Variants in OR2M5 observed in about 807,000 individuals in gnomAD.
OR2M5 encodes olfactory receptor family 2 subfamily M member 5.
For missense variants in OR2M5, 413 were observed against 389.3 expected (o/e 1.06, Z -0.51); for synonymous variants, 164 against 139.6 (o/e 1.18, Z -1.23).
Position 248,146,015 on chromosome 1 carries a change from T to C in OR2M5, c.868T>C (p.Tyr290His). The C allele has an allele frequency of 6.2e-7, 1 of 1,613,908 alleles. No individual in the cohort carries two copies. The change falls in exon 1 of 1, where the codon TAC becomes CAC. Residue 290 changes from tyrosine to histidine, a missense_variant. Coordinates refer to ENST00000366476, the MANE Select transcript of OR2M5 (RefSeq NM_001004690.1). ...CACTCCCATGCTGAATCCCCTCATCTACAGCCTCCGCAACAAGGAGGTGAC... is the reference window on the plus strand; with the variant it reads ...CACTCCCATGCTGAATCCCCTCATCCACAGCCTCCGCAACAAGGAGGTGAC... Reference protein sequence around the residue: ...ILTPMLNPLIYSLRNKEVTRA... With the variant: ...ILTPMLNPLIHSLRNKEVTRA...
rs1237115545 is a variant in OR2M5, at chr1:248,145,229, T to G, written c.82T>G (p.Phe28Val). The G allele has an allele frequency of 3.7e-6, 6 of 1,613,906 alleles. No homozygotes were observed. The highest frequency in any genetic ancestry group is 1.3e-5 in the African/African-American group (1 of 74,898). The change falls in exon 1 of 1, where the codon TTC becomes GTC. Residue 28 changes from phenylalanine to valine, a missense_variant. By Grantham distance (50) the Phe-to-Val change is conservative. Coordinates refer to ENST00000366476, the MANE Select transcript of OR2M5 (RefSeq NM_001004690.1). ...FNHSPTHTFLFFLVLAIFSVA... is the reference protein window; with the variant it reads ...FNHSPTHTFLVFLVLAIFSVA... ...TCACAGCCCCACCCACACCTTCCTC[T>G]TCTTTCTGGTCCTGGCCATCTTTTC...
rs138472974 is a variant in OR2M5 at position 248,145,633 on chromosome 1, G to A, written c.486G>A (p.Ala162=). The change falls in exon 1 of 1, where the codon GCG becomes GCA. Residue 162 remains alanine, a synonymous_variant. Coordinates refer to ENST00000366476, the MANE Select transcript of OR2M5 (RefSeq NM_001004690.1). ...TGGATGCAATCATTGATGCTGTAGC[G>A]ACATTTTCCTTCTCCTACTGTGGGT... ...GSMDAIIDAV[A]TFSFSYCGSR... is the part of the protein sequence containing the mutation. 1.4e-4 allele frequency: 226 copies of A among 1,613,460 alleles called. No individual in the cohort carries two copies. In the African/African-American group the frequency reaches 1.9e-3, roughly 13 times the overall value.
In OR2M5 at chr1:248,145,742, C is replaced by A. The variant is rs146509158; in HGVS notation, c.595C>A (p.Leu199Ile). 6.5e-4 allele frequency: 1,044 copies of A among 1,611,126 alleles called. 12 individuals are homozygous for A. In the African/African-American group the frequency reaches 7.8e-3, roughly 12 times the overall value. Residue 199 changes from leucine to isoleucine, a missense_variant, in exon 1 of 1, where the codon CTT becomes ATT. By Grantham distance (5) the Leu-to-Ile change is conservative. Transcript: ENST00000366476. ...TGACACATCAATATTTGAAAAGGTT[C>A]TTTTCATCTGCTGTATAGTAATGAT... ...CNDTSIFEKV[L>I]FICCIVMIVF...
chr1:248,145,979 T>C lies in OR2M5; in HGVS notation c.832T>C (p.Tyr278His), dbSNP rs1458934177. ...PMQDKLVSVF[Y>H]TILTPMLNPL... ...GCAGGACAAGCTGGTGTCTGTATTCTACACCATCCTCACTCCCATGCTGAA... is the reference window on the plus strand; with the variant it reads ...GCAGGACAAGCTGGTGTCTGTATTCCACACCATCCTCACTCCCATGCTGAA... Residue 278 changes from tyrosine (Y) to histidine (H), a missense_variant, in exon 1 of 1, where the codon TAC becomes CAC. Tyr to His is a moderately conservative substitution (Grantham distance 83). Transcript: ENST00000366476. 7 of 1,613,948 alleles carry C rather than the reference T, an allele frequency of 4.3e-6. No individual in the cohort carries two copies. Among genetic ancestry groups the C allele is most frequent in the South Asian group, 1.1e-5 (1 of 91,074 alleles).
Position 248,145,395 on chromosome 1 carries a change from T to C in OR2M5, c.248T>C (p.Phe83Ser). The change falls in exon 1 of 1, where the codon TTC (phenylalanine) becomes TCC (serine). Residue 83 changes from phenylalanine to serine, a missense_variant. Coordinates refer to ENST00000366476, the MANE Select transcript of OR2M5 (RefSeq NM_001004690.1). ...LICSTVPKMA[F>S]NYLSGSKSIS... ...TGCTCTACCGTACCCAAGATGGCCT[T>C]CAACTACTTGTCTGGCAGCAAGTCC... 6.2e-7 allele frequency: 1 copy of C among 1,614,096 alleles called. No homozygotes were observed. Among genetic ancestry groups the C allele is most frequent in the Non-Finnish European group, 8.5e-7 (1 of 1,179,980 alleles).
In OR2M5 at chr1:248,145,345, G is replaced by T; in HGVS notation, c.198G>T (p.Leu66=). The change falls in exon 1 of 1, where the codon CTG becomes CTT. Residue 66 remains leucine (L), a synonymous_variant. Transcript: ENST00000366476. ...CCATGTACTTCCTCCTCAGTCAACTGTTCCTCATGGACCTCATGCTCATCT... is the reference window on the plus strand; with the variant it reads ...CCATGTACTTCCTCCTCAGTCAACTTTTCCTCATGGACCTCATGCTCATCT... The part of the protein sequence containing the change: ...HTPMYFLLSQ[L]FLMDLMLICS... 1 of 1,614,020 alleles carries T rather than the reference G, an allele frequency of 6.2e-7. No individual in the cohort carries two copies. The highest frequency in any genetic ancestry group is 8.5e-7 in the Non-Finnish European group (1 of 1,179,994).
Position 248,145,606 on chromosome 1 carries a change from T to C in OR2M5, c.459T>C (p.Ser153=), listed in dbSNP as rs553316282. ...CTGCCTTCTCCTGGATCCTGGGCTC[T>C]ATGGATGCAATCATTGATGCTGTAG... The part of the protein sequence containing the change: ...LMTAFSWILG[S]MDAIIDAVAT... Residue 153 remains serine (S), a synonymous_variant, in exon 1 of 1, where the codon TCT becomes TCC. Coordinates refer to ENST00000366476, the MANE Select transcript of OR2M5 (RefSeq NM_001004690.1). The C allele has an allele frequency of 1.7e-5, 27 of 1,613,484 alleles. No individual in the cohort carries two copies. The East Asian group carries it at 5.3e-4, about 32-fold the overall frequency.
rs759850589 is a variant in OR2M5 at position 248,145,512 on chromosome 1, G to T, written c.365G>T (p.Arg122Leu). 1.9e-6 allele frequency: 3 copies of T among 1,613,908 alleles called. No individual in the cohort carries two copies. The highest frequency in any genetic ancestry group is 1.7e-5 in the Admixed American group (1 of 59,974). Residue 122 changes from arginine (R) to leucine (L), a missense_variant, in exon 1 of 1, where the codon CGC (arginine) becomes CTC (leucine). Transcript: ENST00000366476. ...CFLLAVMSYD[R>L]YIAICHPLRY... is the part of the protein sequence containing the mutation. Reference sequence around the variant, plus strand: ...CTGTTGGCTGTTATGTCTTATGACCGCTATATTGCCATTTGCCACCCTCTA... The same window carrying T: ...CTGTTGGCTGTTATGTCTTATGACCTCTATATTGCCATTTGCCACCCTCTA...
At position 248,145,857 on chromosome 1, in the gene OR2M5, C is replaced by A. The variant is rs41304157; in HGVS notation, c.710C>A (p.Ala237Asp). Residue 237 changes from alanine (A) to aspartate (D), a missense_variant, in exon 1 of 1, where the codon GCT becomes GAT. Coordinates refer to ENST00000366476, the MANE Select transcript of OR2M5 (RefSeq NM_001004690.1). ...GGATCTGGAGAGGGTCGTCGCAAAGCTTTTACTACCTGTTCCTCTCACCTC... is the reference window on the plus strand; with the variant it reads ...GGATCTGGAGAGGGTCGTCGCAAAGATTTTACTACCTGTTCCTCTCACCTC... The part of the protein sequence containing the change: ...HMGSGEGRRK[A>D]FTTCSSHLMV... The A allele has an allele frequency of 0.027, 43,208 of 1,613,502 alleles. 660 individuals carry two copies. Among genetic ancestry groups the A allele is most frequent in the Non-Finnish European group, 0.031 (36,323 of 1,179,840 alleles).
Position 248,145,506 on chromosome 1 carries a change from A to G in OR2M5, c.359A>G (p.Tyr120Cys). The part of the protein sequence containing the change: ...SECFLLAVMS[Y>C]DRYIAICHPL... ...TGCTTTCTGTTGGCTGTTATGTCTTATGACCGCTATATTGCCATTTGCCAC... is the reference window on the plus strand; with the variant it reads ...TGCTTTCTGTTGGCTGTTATGTCTTGTGACCGCTATATTGCCATTTGCCAC... The change falls in exon 1 of 1, where the codon TAT becomes TGT. Residue 120 changes from tyrosine (Y) to cysteine (C), a missense_variant. By Grantham distance (194) the Tyr-to-Cys change is radical (BLOSUM62 -2). Transcript: ENST00000366476. 6.2e-7 allele frequency: 1 copy of G among 1,613,936 alleles called. No homozygotes were observed. Among genetic ancestry groups the G allele is most frequent in the Non-Finnish European group, 8.5e-7 (1 of 1,179,914 alleles).
chr1:248,145,806 G>C lies in OR2M5; in HGVS notation c.659G>C (p.Arg220Pro), dbSNP rs148081072. 6.5e-4 allele frequency: 1,050 copies of C among 1,613,188 alleles called. 6 individuals carry two copies. The African/African-American group carries it at 0.012, about 19-fold the overall frequency. The change falls in exon 1 of 1, where the codon CGA (arginine) becomes CCA (proline). Residue 220 changes from arginine (R) to proline (P), a missense_variant. Physicochemically the swap from Arg to Pro is moderately radical, Grantham distance 103. Coordinates refer to ENST00000366476, the MANE Select transcript of OR2M5 (RefSeq NM_001004690.1). ...PVAIIIASYARVILAVIHMGS... is the reference protein window; with the variant it reads ...PVAIIIASYAPVILAVIHMGS... ...GCAATCATCATCGCTTCCTATGCTC[G>C]AGTTATTCTGGCTGTCATTCACATG...
chr1:248,145,355 G>A lies in OR2M5; in HGVS notation c.208G>A (p.Asp70Asn). ...YFLLSQLFLM[D>N]LMLICSTVPK... Reference sequence around the variant, plus strand: ...CCTCCTCAGTCAACTGTTCCTCATGGACCTCATGCTCATCTGCTCTACCGT... The same window carrying A: ...CCTCCTCAGTCAACTGTTCCTCATGAACCTCATGCTCATCTGCTCTACCGT... The change falls in exon 1 of 1, where the codon GAC becomes AAC. Residue 70 changes from aspartate (D) to asparagine (N), a missense_variant. Asp to Asn is a conservative substitution (Grantham distance 23). Coordinates refer to ENST00000366476, the MANE Select transcript of OR2M5 (RefSeq NM_001004690.1). 1 of 1,613,970 alleles carries A rather than the reference G, an allele frequency of 6.2e-7. No individual in the cohort carries two copies. Among genetic ancestry groups the A allele is most frequent in the South Asian group, 1.1e-5 (1 of 91,074 alleles).
At position 248,145,826 on chromosome 1, in the gene OR2M5, C is replaced by A. The variant is rs1665421085; in HGVS notation, c.679C>A (p.His227Asn). ...SYARVILAVI[H>N]MGSGEGRRKA... is the part of the protein sequence containing the mutation. ...TGCTCGAGTTATTCTGGCTGTCATT[C>A]ACATGGGATCTGGAGAGGGTCGTCG... is the stretch of plus-strand genomic sequence containing the variant. Residue 227 changes from histidine (H) to asparagine (N), a missense_variant, in exon 1 of 1, where the codon CAC (histidine) becomes AAC (asparagine). His to Asn is a moderately conservative substitution (Grantham distance 68). Transcript: ENST00000366476. 1.9e-6 allele frequency: 3 copies of A among 1,613,226 alleles called. No individual in the cohort carries two copies. The highest frequency in any genetic ancestry group is 2.5e-6 in the Non-Finnish European group (3 of 1,179,816).
rs1665423984 is a variant in OR2M5 at position 248,145,934 on chromosome 1, A to T, written c.787A>T (p.Thr263Ser). ...GAGLFMYIRP[T>S]SDRSPMQDKL... ...AGGTTTGTTCATGTACATACGGCCC[A>T]CATCTGATCGCTCCCCTATGCAGGA... Residue 263 changes from threonine (T) to serine (S), a missense_variant, in exon 1 of 1, where the codon ACA (threonine) becomes TCA (serine). Physicochemically the swap from Thr to Ser is moderately conservative, Grantham distance 58. Transcript: ENST00000366476. The T allele has an allele frequency of 1.9e-6, 3 of 1,613,942 alleles. No individual in the cohort carries two copies. Among genetic ancestry groups the T allele is most frequent in the Non-Finnish European group, 2.5e-6 (3 of 1,179,938 alleles).
At position 248,145,386 on chromosome 1, in the gene OR2M5, A is replaced by C. The variant is rs142232947; in HGVS notation, c.239A>C (p.Lys80Thr). The change falls in exon 1 of 1, where the codon AAG becomes ACG. Residue 80 changes from lysine (K) to threonine (T), a missense_variant. Transcript: ENST00000366476. ...ATGCTCATCTGCTCTACCGTACCCA[A>C]GATGGCCTTCAACTACTTGTCTGGC... ...DLMLICSTVPKMAFNYLSGSK... is the reference protein window; with the variant it reads ...DLMLICSTVPTMAFNYLSGSK... 1,483 of 1,613,938 alleles carry C rather than the reference A, an allele frequency of 9.2e-4. 2 individuals are homozygous for C. The highest frequency in any genetic ancestry group is 1.2e-3 in the Non-Finnish European group (1,375 of 1,179,978).
At position 248,145,848 on chromosome 1, in the gene OR2M5, G is replaced by A. The variant is rs147580819; in HGVS notation, c.701G>A (p.Arg234His). ...AVIHMGSGEG[R>H]RKAFTTCSSH... Reference sequence around the variant, plus strand: ...ATTCACATGGGATCTGGAGAGGGTCGTCGCAAAGCTTTTACTACCTGTTCC... The same window carrying A: ...ATTCACATGGGATCTGGAGAGGGTCATCGCAAAGCTTTTACTACCTGTTCC... Residue 234 changes from arginine to histidine, a missense_variant, in exon 1 of 1, where the codon CGT becomes CAT. By Grantham distance (29) the Arg-to-His change is conservative. Coordinates refer to ENST00000366476, the MANE Select transcript of OR2M5 (RefSeq NM_001004690.1). The A allele has an allele frequency of 4.9e-5, 79 of 1,613,334 alleles. No homozygotes were observed. The highest frequency in any genetic ancestry group is 5.6e-5 in the Non-Finnish European group (66 of 1,179,812).
At position 248,145,463 on chromosome 1, in the gene OR2M5, T is replaced by C; in HGVS notation, c.316T>C (p.Ser106Pro). 1.9e-6 allele frequency: 3 copies of C among 1,614,080 alleles called. No homozygotes were observed. Among genetic ancestry groups the C allele is most frequent in the Non-Finnish European group, 2.5e-6 (3 of 1,179,960 alleles). Residue 106 changes from serine (S) to proline (P), a missense_variant, in exon 1 of 1, where the codon TCA (serine) becomes CCA (proline). Coordinates refer to ENST00000366476, the MANE Select transcript of OR2M5 (RefSeq NM_001004690.1). ...TGCCACACAAATTTTCTTCTATGTA[T>C]CACTGCTTGGCTCCGAATGCTTTCT... is the stretch of plus-strand genomic sequence containing the variant. ...GCATQIFFYV[S>P]LLGSECFLLA...
In OR2M5 at chr1:248,145,207, C is replaced by T. The variant is rs1665407930; in HGVS notation, c.60C>T (p.His20=). The change falls in exon 1 of 1, where the codon CAC becomes CAT. Residue 20 remains histidine, a synonymous_variant. Coordinates refer to ENST00000366476, the MANE Select transcript of OR2M5 (RefSeq NM_001004690.1). The part of the protein sequence containing the change: ...SDFILLGIFN[H]SPTHTFLFFL... ...TCATCCTCCTGGGAATCTTCAATCA[C>T]AGCCCCACCCACACCTTCCTCTTCT... The T allele has an allele frequency of 1.2e-6, 2 of 1,613,804 alleles. No homozygotes were observed. Among genetic ancestry groups the T allele is most frequent in the Non-Finnish European group, 8.5e-7 (1 of 1,179,910 alleles).
rs199829792 is a variant in OR2M5 at position 248,145,991 on chromosome 1, A to G, written c.844A>G (p.Thr282Ala). ...KLVSVFYTIL[T>A]PMLNPLIYSL... ...GGTGTCTGTATTCTACACCATCCTC[A>G]CTCCCATGCTGAATCCCCTCATCTA... The change falls in exon 1 of 1, where the codon ACT becomes GCT. Residue 282 changes from threonine to alanine, a missense_variant. Thr to Ala is a moderately conservative substitution (Grantham distance 58). Coordinates refer to ENST00000366476, the MANE Select transcript of OR2M5 (RefSeq NM_001004690.1). The G allele has an allele frequency of 3.1e-6, 5 of 1,613,510 alleles. 1 individual carries two copies. In the South Asian group the frequency reaches 5.5e-5, roughly 18 times the overall value.
Sources: allele counts gnomAD v4.1 joint callset, GRCh38; gene constraint gnomAD v4.1.1; transcripts MANE v1.5; gene names NCBI Gene and HGNC (gene_info 2026-07-23, HGNC 2026-07-21).